ENTPD1: variants seen among roughly 807,000 people sequenced by gnomAD.
ENTPD1 encodes the protein ATP diphosphohydrolase.
A neutral mutation model predicts 57.0 loss-of-function variants in ENTPD1; 33 were observed. The observed-to-expected ratio is 0.58, with a 90% CI of 0.44 to 0.77. The LOEUF (loss-of-function observed/expected upper bound fraction) is 0.77, where lower values mean the gene tolerates loss of function less well. Ranked by LOEUF, ENTPD1 falls within the 30% of genes least tolerant of loss-of-function variation. The pLI, the probability that ENTPD1 is intolerant of heterozygous loss-of-function variation, is 0.00. For missense variants in ENTPD1, 501 were observed against 603.4 expected (o/e 0.83, Z 1.78); for synonymous variants, 202 against 218.8 (o/e 0.92, Z 0.68).
At chr10:95,792,349 C>A (rs546380757) in intron 1 of ENTPD1, among the ~76,000 whole-genome samples, 4 of 152,280 alleles carry the variant, frequency 2.6e-5, no homozygotes, top group African/African-American at 9.6e-5. Context: ...TAGAATTAGG[C>A]AACACTTCAT....
chr10:95,839,960 CA>C, intron 3 of ENTPD1, 152 bp downstream of exon 3: 2 of 734,648 alleles, frequency 2.7e-6, no homozygotes, highest in Non-Finnish European at 4.6e-6. Context: ...GTTATCGTTA[CA>C]GAAAACATAT....
chr10:95,782,583 A>G (rs2098162127), intron 1 of ENTPD1, among the ~76,000 whole-genome samples: 1 of 152,186 alleles, frequency 6.6e-6, no homozygotes, highest in Admixed American at 6.5e-5. Flanking sequence ...AAAACAACCC[A>G]GTATTGGGCA....
intron 1 of ENTPD1, 132 bp downstream of exon 1, chr10:95,756,387 C>A: frequency 9.8e-7 from 1 of 1,023,938 alleles, no homozygotes; most frequent in Non-Finnish European, 1.4e-6. Context: ...CCACCCTCTT[C>A]CTTCTGAGAG....
intron 1 of ENTPD1, among the ~76,000 whole-genome samples, chr10:95,814,482 TG>T (rs1228201085): frequency 6.6e-6 from 1 of 151,830 alleles, no homozygotes; most frequent in African/African-American, 2.4e-5. Context: ...CTGAGAAGAG[TG>T]TGTTGCCCAA....
intron 1 of ENTPD1, among the ~76,000 whole-genome samples, chr10:95,787,043 C>T (rs1003263985): frequency 1.3e-5 from 2 of 152,100 alleles, no homozygotes; most frequent in Admixed American, 6.5e-5. Flanking sequence ...CTAGTAACCT[C>T]GAGGTTTTGT....
chr10:95,807,863 A>C (rs567696894), intron 1 of ENTPD1, among the ~76,000 whole-genome samples: 1 of 152,306 alleles, frequency 6.6e-6, no homozygotes, highest in South Asian at 2.1e-4. Context: ...GTTGTCTGCA[A>C]ACAGGGATAG....
intron 1 of ENTPD1, among the ~76,000 whole-genome samples, chr10:95,799,894 CT>C (rs1211988825): frequency 6.6e-6 from 1 of 152,090 alleles, no homozygotes; most frequent in Non-Finnish European, 1.5e-5. Context: ...TGATGTTGAG[CT>C]TTTTTTATAT....
the ENTPD1 span, among the ~76,000 whole-genome samples, chr10:95,702,658 AAAC>A: frequency 6.6e-6 from 1 of 152,234 alleles, no homozygotes; most frequent in Non-Finnish European, 1.5e-5. Context: ...TACAAAACCC[AAAC>A]AAGATAAATT....
At chr10:95,848,651 C>G (rs556209332) in intron 7 of ENTPD1, among the ~76,000 whole-genome samples, 8 of 152,292 alleles carry the variant, frequency 5.3e-5, no homozygotes, top group African/African-American at 1.9e-4. Flanking sequence ...CTTTCACATG[C>G]AAAGCCAAAG....
chr10:95,794,813 T>C (rs1035479831), intron 1 of ENTPD1, among the ~76,000 whole-genome samples: 6 of 152,080 alleles, frequency 3.9e-5, no homozygotes, highest in African/African-American at 1.2e-4. Flanking sequence ...GAAGGGAATG[T>C]TCTAGGCAGA....
intron 1 of ENTPD1, among the ~76,000 whole-genome samples, chr10:95,720,707 C>A (rs976442011): frequency 6.6e-6 from 1 of 152,192 alleles, no homozygotes; most frequent in African/African-American, 2.4e-5. Context: ...GGACCTTCGT[C>A]CCCTGGGGCA....
At chr10:95,722,061 G>T (rs954066694) in intron 1 of ENTPD1, among the ~76,000 whole-genome samples, 2 of 152,146 alleles carry the variant, frequency 1.3e-5, no homozygotes. Context: ...GTGTCAGAGA[G>T]GGTGTAGGTA....
rs1182184927 is a variant in ENTPD1, at chr10:95,854,644, G to A, written c.1075-5825G>A. Among the ~76,000 whole-genome samples, 10 of 152,064 alleles carry A rather than the reference G, an allele frequency of 6.6e-5. No individual in the cohort carries two copies. The East Asian group carries it at 7.7e-4, about 12-fold the overall frequency. On this transcript the variant is annotated intron_variant, in intron 7 of 9. Coordinates refer to ENST00000371205, the MANE Select transcript of ENTPD1 (RefSeq NM_001776.6). ...TCTGGTATGTTGTGTCTTTGTTCTC[G>A]TTGGTTTCAAAGAACATCTTTATTT...
rs188433018 is a variant in ENTPD1, at chr10:95,858,890, G to A, written c.1075-1579G>A. On this transcript the variant is annotated intron_variant, in intron 7 of 9. Transcript: ENST00000371205. ...CCATTAGAGTGGCCCCAGCTGACTT[G>A]GAGGGATTTCTATAAAGGATTGTTA... 2.2e-4 allele frequency among the ~76,000 whole-genome samples: 33 copies of A among 152,296 alleles called. No homozygotes were observed. In the East Asian group the frequency reaches 4.2e-3, roughly 20 times the overall value.
chr10:95,795,750 C>T (rs1384131077), intron 1 of ENTPD1, among the ~76,000 whole-genome samples: 16 of 152,178 alleles, frequency 1.1e-4, no homozygotes, highest in Admixed American at 1.0e-3. Flanking sequence ...GGAGATGCAT[C>T]AGTACCTAGT....
intron 1 of ENTPD1, among the ~76,000 whole-genome samples, chr10:95,761,094 T>C (rs907673127): frequency 2.0e-4 from 31 of 152,174 alleles, no homozygotes; most frequent in African/African-American, 7.5e-4. Context: ...CCTCCCAGAG[T>C]GCTGGGATTA....
chr10:95,844,881 T>C (rs1373881460), intron 5 of ENTPD1: 3 of 572,158 alleles, frequency 5.2e-6, no homozygotes, highest in Non-Finnish European at 9.3e-6. Context: ...ATAAAGGAAA[T>C]TAAAAATTTA....
intron 1 of ENTPD1, among the ~76,000 whole-genome samples, chr10:95,811,091 C>CT (rs763973130): frequency 3.3e-5 from 5 of 152,212 alleles, no homozygotes; most frequent in Non-Finnish European, 7.3e-5. Context: ...ATGACCATAT[C>CT]TTATCCAGAT....
At chr10:95,844,373 T>C (rs1038460912) in intron 4 of ENTPD1, 103 bp from the exon 5 acceptor site, 4 of 1,494,134 alleles carry the variant, frequency 2.7e-6, no homozygotes, top group Non-Finnish European at 2.8e-6. Context: ...CAGGGCATTA[T>C]GGTTCACTTC....
Sources: gnomAD v4.1 joint callset for allele counts (sites outside exome capture counted in the v4.1 genomes callset) on GRCh38, gnomAD v4.1.1 for gene constraint, MANE v1.5 for transcripts, NCBI Gene and HGNC (gene_info 2026-07-23, HGNC 2026-07-21) for gene names.